Variants in ADRA1A observed in about 807,000 individuals in gnomAD.
ADRA1A encodes the protein alpha-1A adrenergic receptor.
A neutral mutation model predicts 29.6 loss-of-function variants in ADRA1A; 31 were observed. The observed-to-expected ratio is 1.05, with a 90% CI of 0.79 to 1.41. ADRA1A has a LOEUF of 1.41. ADRA1A is among the 40% of genes most tolerant of loss of function. The pLI is 0.00. For missense variants in ADRA1A, 619 were observed against 601.1 expected (o/e 1.03, Z -0.31); for synonymous variants, 311 against 254.3 (o/e 1.22, Z -2.12).
chr8:26,786,749 G>A lies in ADRA1A; in HGVS notation c.884-16083C>T, dbSNP rs1048163243. 1.4e-3 allele frequency among the ~76,000 whole-genome samples: 216 copies of A among 151,950 alleles called. 1 individual carries two copies. The highest frequency in any genetic ancestry group is 2.3e-3 in the Non-Finnish European group (155 of 67,940). ...CCTCAGACTCCATGCTGGGTTGGGGGGGGGGGTCTCTCATTAAATGTTATC... is the reference window on the plus strand; with the variant it reads ...CCTCAGACTCCATGCTGGGTTGGGGAGGGGGGTCTCTCATTAAATGTTATC... On this transcript the variant is annotated intron_variant, in intron 2 of 2. Transcript: ENST00000380573.
intron 2 of ADRA1A, among the ~76,000 whole-genome samples, chr8:26,791,289 G>T (rs1807812284): frequency 6.6e-6 from 1 of 152,098 alleles, no homozygotes. Context: ...AAATATTTGT[G>T]TGGATAGATT....
chr8:26,801,119 A>G (rs1808545986), intron 2 of ADRA1A, among the ~76,000 whole-genome samples: 2 of 152,198 alleles, frequency 1.3e-5, no homozygotes, highest in Non-Finnish European at 2.9e-5. Context: ...GTATAGAAAG[A>G]ACATATTCCA....
intron 2 of ADRA1A, among the ~76,000 whole-genome samples, chr8:26,808,561 C>A (rs1269047942): frequency 6.6e-6 from 1 of 152,222 alleles, no homozygotes; most frequent in Non-Finnish European, 1.5e-5. Flanking sequence ...TGTGCATCCC[C>A]TTTCCTGCTT....
intron 2 of ADRA1A, among the ~76,000 whole-genome samples, chr8:26,798,086 C>T (rs1335334096): frequency 6.6e-6 from 1 of 152,192 alleles, no homozygotes; most frequent in South Asian, 2.1e-4. Flanking sequence ...TCAAGTGATT[C>T]TCCTGCCTCA....
chr8:26,866,011 G>A lies in ADRA1A; in HGVS notation c.-686-356C>T, dbSNP rs1423056991. On this transcript the variant is annotated intron_variant, in intron 1 of 2. Transcript: ENST00000380573. This position sits in a 1 kb window ranked among gnomAD's most constrained non-coding sequence, Gnocchi z 5.7. ...AAGCCCCGGAGGGGCGACTGCGGCTGGCGAGTGTGTCGCACGGATCCTAGC... is the reference window on the plus strand; with the variant it reads ...AAGCCCCGGAGGGGCGACTGCGGCTAGCGAGTGTGTCGCACGGATCCTAGC... 6.6e-6 allele frequency among the ~76,000 whole-genome samples: 1 copy of A among 152,244 alleles called. No homozygotes were observed. Among genetic ancestry groups the A allele is most frequent in the Non-Finnish European group, 1.5e-5 (1 of 68,044 alleles).
At chr8:26,855,377 A>G (rs1812964785) in intron 2 of ADRA1A, among the ~76,000 whole-genome samples, 1 of 151,686 alleles carries the variant, frequency 6.6e-6, no homozygotes, top group South Asian at 2.1e-4. Flanking sequence ...TAAATAAGTA[A>G]TTATTTATCT....
downstream of ADRA1A, among the ~76,000 whole-genome samples, chr8:26,763,544 T>C (rs867994586): frequency 2.0e-5 from 3 of 152,170 alleles, no homozygotes; most frequent in African/African-American, 4.8e-5. This position sits in a 1 kb window ranked among gnomAD's most constrained non-coding sequence, Gnocchi z 4.5. Flanking sequence ...CAACAATTCA[T>C]GGAGTGGGGC....
chr8:26,748,304 TG>T (rs1283322510), exon 3 of ADRA1A: 11 of 162,176 alleles, frequency 6.8e-5, no homozygotes, highest in Non-Finnish European at 4.0e-5. Context: ...GTGTGTGTGT[TG>T]GGGGGGTGGT....
At chr8:26,755,993 A>C (rs1805146645), downstream of ADRA1A, among the ~76,000 whole-genome samples, 1 of 152,250 alleles carries the variant, frequency 6.6e-6, no homozygotes, top group African/African-American at 2.4e-5. Flanking sequence ...TTTATTCTGA[A>C]AAATTTCAAA....
At position 26,831,754 on chromosome 8, in the gene ADRA1A, G is replaced by C. The variant is rs190245296; in HGVS notation, c.883+32333C>G. Among the ~76,000 whole-genome samples the C allele has an allele frequency of 9.2e-5, 14 of 152,320 alleles. No individual in the cohort carries two copies. Among genetic ancestry groups the C allele is most frequent in the Non-Finnish European group, 1.8e-4 (12 of 68,030 alleles). On this transcript the variant is annotated intron_variant, in intron 2 of 2. Transcript: ENST00000380573. The surrounding 1 kb of genome is among the most constrained non-coding windows in gnomAD (Gnocchi z 5.2). ...GAATGAAGGACCCTTTTGGGCCTTG[G>C]GGGGAACACGCTGCATGCAGCTTCC...
At chr8:26,818,635 T>A (rs1388148154) in intron 2 of ADRA1A, among the ~76,000 whole-genome samples, 1 of 151,898 alleles carries the variant, frequency 6.6e-6, no homozygotes, top group Non-Finnish European at 1.5e-5. Flanking sequence ...AGCTGAATAA[T>A]ACATTAAAAA....
At chr8:26,759,129 A>T (rs773116304) in intron 2 of ADRA1A, among the ~76,000 whole-genome samples, 14 of 152,226 alleles carry the variant, frequency 9.2e-5, no homozygotes, top group Non-Finnish European at 1.8e-4. Context: ...ATACCCAGAG[A>T]TAAAAATAGT....
At chr8:26,820,805 T>A (rs1164312784) in intron 2 of ADRA1A, among the ~76,000 whole-genome samples, 1 of 152,190 alleles carries the variant, frequency 6.6e-6, no homozygotes, top group Non-Finnish European at 1.5e-5. Context: ...TTATTTTGAG[T>A]TAATTGTAGA....
intron 2 of ADRA1A, among the ~76,000 whole-genome samples, chr8:26,793,155 G>A (rs922049774): frequency 6.6e-6 from 1 of 151,854 alleles, no homozygotes; most frequent in Non-Finnish European, 1.5e-5. Context: ...CTTACCAATA[G>A]AGCCATATTT....
rs1805947088 is a variant in ADRA1A, at chr8:26,769,036, G to A, written c.*1113C>T. On this transcript the variant is annotated 3_prime_UTR_variant, in exon 3 of 3. Coordinates refer to ENST00000380573, the MANE Select transcript of ADRA1A (RefSeq NM_000680.4). Reference sequence around the variant, plus strand: ...AAGCTAAGCATTAGTATTTTTCAAAGTTCGGGAATAATGTACTTGGATCAT... The same window carrying A: ...AAGCTAAGCATTAGTATTTTTCAAAATTCGGGAATAATGTACTTGGATCAT... 3.0e-6 allele frequency: 3 copies of A among 985,450 alleles called. No individual in the cohort carries two copies. The highest frequency in any genetic ancestry group is 1.7e-5 in the African/African-American group (1 of 57,382). 61.0% of individuals were successfully genotyped at this position (985,450 alleles called of 1,614,324 possible).
downstream of ADRA1A, among the ~76,000 whole-genome samples, chr8:26,760,994 C>T (rs1805478727): frequency 6.6e-6 from 1 of 152,198 alleles, no homozygotes; most frequent in African/African-American, 2.4e-5. Flanking sequence ...ATTACTTGTT[C>T]TGCTGTGCAC....
chr8:26,840,589 CTT>C (rs200419252), intron 2 of ADRA1A, among the ~76,000 whole-genome samples: 20 of 143,352 alleles, frequency 1.4e-4, no homozygotes, highest in African/African-American at 3.3e-4. Flanking sequence ...CTTTAGCGTT[CTT>C]TTTTTTTTTT....
Position 26,779,433 on chromosome 8 carries a change from G to A in ADRA1A, c.884-8767C>T. On this transcript the variant is annotated intron_variant, in intron 2 of 2. Transcript: ENST00000380573. ...TTCTTGGGCCTCAGTTTCCTCATCT[G>A]TAAAAGTAAAGACTTAGAACAGTAA... is the stretch of plus-strand genomic sequence containing the variant. 4.3e-6 allele frequency: 3 copies of A among 701,946 alleles called. 1 individual carries two copies. The highest frequency in any genetic ancestry group is 5.2e-6 in the Non-Finnish European group (2 of 384,596). 43.5% of individuals were successfully genotyped at this position (701,946 alleles called of 1,614,324 possible).
intron 2 of ADRA1A, among the ~76,000 whole-genome samples, chr8:26,849,100 T>C (rs539317030): frequency 6.6e-6 from 1 of 152,260 alleles, no homozygotes; most frequent in South Asian, 2.1e-4. Context: ...CTAAAAACCT[T>C]AGGGAAAGCC....
Sources: allele counts gnomAD v4.1 joint callset (sites outside exome capture counted in the v4.1 genomes callset), GRCh38; gene constraint gnomAD v4.1.1; non-coding constraint Gnocchi (gnomAD v3.1); transcripts MANE v1.5; gene names NCBI Gene and HGNC (gene_info 2026-07-23, HGNC 2026-07-21).